The following FCSK variants were observed in gnomAD, a reference collection of about 807,000 sequenced individuals.
FCSK encodes the protein L-fucose kinase.
FCSK carries 123 observed loss-of-function variants against 122.5 expected under a neutral mutation model. The ratio of observed to expected loss-of-function variants is 1.00; its 90% CI spans 0.87 to 1.17. FCSK has a LOEUF of 1.17. FCSK is among the 50% of genes most tolerant of loss of function. FCSK has a pLI of 0.00. For missense variants in FCSK, 1,366 were observed against 1,450.4 expected, an observed-to-expected ratio of 0.94 and a Z score of 0.95; for synonymous variants, 620 against 625.5, an observed-to-expected ratio of 0.99 and a Z score of 0.13.
rs1434362774 is a variant in FCSK at position 70,467,366 on chromosome 16, C to A, written c.485-8C>A. ...CCCTGGGAGCCTCCTGACTGCCCCACCCCACAGGTATCAGCTGGGACAGCT... is the reference window on the plus strand; with the variant it reads ...CCCTGGGAGCCTCCTGACTGCCCCAACCCACAGGTATCAGCTGGGACAGCT... On this transcript the variant is annotated splice_polypyrimidine_tract_variant and splice_region_variant and intron_variant, in intron 6 of 23. Coordinates refer to ENST00000288078, the MANE Select transcript of FCSK (RefSeq NM_145059.3). 8 of 1,599,724 alleles carry A rather than the reference C, an allele frequency of 5.0e-6. No homozygotes were observed. Among genetic ancestry groups the A allele is most frequent in the African/African-American group, 1.3e-5 (1 of 74,502 alleles).
At chr16:70,458,503 G>A (rs1352450781) in intron 1 of FCSK, among the ~76,000 whole-genome samples, 1 of 151,762 alleles carries the variant, frequency 6.6e-6, no homozygotes, top group East Asian at 1.9e-4. Context: ...ATCTCACTCT[G>A]TCGCCCAGGC....
At position 70,475,352 on chromosome 16, in the gene FCSK, G is replaced by T. The variant is rs780967695; in HGVS notation, c.2380G>T (p.Ala794Ser). 9.9e-6 allele frequency: 16 copies of T among 1,609,774 alleles called. No individual in the cohort carries two copies. In the Admixed American group the frequency reaches 1.2e-4, roughly 12 times the overall value. ...TTCTCATGCCTGTCCTTCTGCAGGG[G>T]CCCTGCTGAAGGCGGCCTTCATCTG... is the stretch of plus-strand genomic sequence containing the variant. ...RDYCQPHAPG[A>S]LLKAAFICAG... Residue 794 changes from alanine (A) to serine (S), a missense_variant and splice_region_variant, in exon 19 of 24, where the codon GCC (alanine) becomes TCC (serine). Coordinates refer to ENST00000288078, the MANE Select transcript of FCSK (RefSeq NM_145059.3).
intron 13 of FCSK, 175 bp from the exon 14 acceptor site, chr16:70,472,366 T>C (rs2048652834): frequency 2.0e-6 from 1 of 509,804 alleles, no homozygotes; most frequent in South Asian, 2.9e-5. Flanking sequence ...CAGGAGTTCA[T>C]ACCTGCAGTG....
chr16:70,469,488 T>C (rs2048540764), intron 10 of FCSK, among the ~76,000 whole-genome samples, 165 bp downstream of exon 10: 1 of 152,128 alleles, frequency 6.6e-6, no homozygotes, highest in African/African-American at 2.4e-5. Context: ...TTCCCCTTCT[T>C]GTCTTCCTTT....
intron 8 of FCSK, 45 bp downstream of exon 8, chr16:70,468,011 G>A (rs753476427): frequency 2.8e-6 from 4 of 1,425,794 alleles, no homozygotes; most frequent in South Asian, 1.1e-5. Flanking sequence ...GGACCTTATG[G>A]GACAGGGAGG....
At position 70,468,923 on chromosome 16, in the gene FCSK, T is replaced by C. The variant is rs1292668295; in HGVS notation, c.738T>C (p.Asp246=). 1 of 1,613,954 alleles carries C rather than the reference T, an allele frequency of 6.2e-7. No individual in the cohort carries two copies. Among genetic ancestry groups the C allele is most frequent in the South Asian group, 1.1e-5 (1 of 91,084 alleles). ...LLATHVSPPL[D]ACTYLGLDSG... is the part of the protein sequence containing the mutation. ...CCACCCACGTGAGCCCGCCCCTGGA[T>C]GCCTGCACCTACCTAGGCTTGGACT... The change falls in exon 9 of 24, where the codon GAT becomes GAC. Residue 246 remains aspartate (D), a synonymous_variant. Coordinates refer to ENST00000288078, the MANE Select transcript of FCSK (RefSeq NM_145059.3).
chr16:70,460,049 CCT>C (rs958217822), intron 1 of FCSK, among the ~76,000 whole-genome samples: 40 of 151,456 alleles, frequency 2.6e-4, no homozygotes, highest in Admixed American at 1.9e-3. Flanking sequence ...CAGTCCTGCC[CCT>C]GTCTCCCAAA....
chr16:70,469,759 C>T (rs1336689371), intron 10 of FCSK, among the ~76,000 whole-genome samples: 3 of 152,034 alleles, frequency 2.0e-5, no homozygotes, highest in Non-Finnish European at 2.9e-5. Flanking sequence ...TCTTGAACTC[C>T]TGGCCTCAGG....
At chr16:70,479,532 G>T in intron 23 of FCSK, 47 bp from the exon 24 acceptor site, 8 of 1,568,078 alleles carry the variant, frequency 5.1e-6, no homozygotes, top group Non-Finnish European at 6.1e-6. Context: ...CCTCCAGAAG[G>T]CCTGAGATTT....
chr16:70,459,656 CT>C (rs1333103356), intron 1 of FCSK, among the ~76,000 whole-genome samples: 2,912 of 129,854 alleles, frequency 0.022, 11 homozygotes, highest in Non-Finnish European at 0.029. Flanking sequence ...ATTTCTCCGT[CT>C]TTTTTTTTTT....
intron 4 of FCSK, among the ~76,000 whole-genome samples, chr16:70,465,393 C>T (rs1402193946): frequency 1.3e-5 from 2 of 152,168 alleles, no homozygotes; most frequent in Non-Finnish European, 2.9e-5. Context: ...CGCAGTGGCT[C>T]ATGCCTGTAA....
chr16:70,474,702 C>T lies in FCSK; in HGVS notation c.2155+8C>T. 1.3e-6 allele frequency: 2 copies of T among 1,596,120 alleles called. No homozygotes were observed. Among genetic ancestry groups the T allele is most frequent in the Non-Finnish European group, 8.5e-7 (1 of 1,171,440 alleles). ...CCCGTGTGGATTTCTCTGGTGAGCC[C>T]CTTGTGGCAGGTGGGGTTGAGGGTA... On this transcript the variant is annotated splice_region_variant and intron_variant, in intron 17 of 23. Transcript: ENST00000288078.
At chr16:70,463,825 G>C (rs1219184213) in intron 3 of FCSK, 51 bp downstream of exon 3, 4 of 1,539,454 alleles carry the variant, frequency 2.6e-6, no homozygotes. Context: ...GCTGGAACCA[G>C]GTCATTTCTG....
At chr16:70,468,034 TC>T in intron 8 of FCSK, 68 bp downstream of exon 8, 1 of 1,131,892 alleles carries the variant, frequency 8.8e-7, no homozygotes, top group Non-Finnish European at 1.3e-6. Context: ...GGGTCTGACT[TC>T]CTTCGATTCC....
rs1329653055 is a variant in FCSK at position 70,471,023 on chromosome 16, G to T, written c.1121G>T (p.Gly374Val). 6.2e-7 allele frequency: 1 copy of T among 1,602,446 alleles called. No homozygotes were observed. Among genetic ancestry groups the T allele is most frequent in the Non-Finnish European group, 8.5e-7 (1 of 1,176,602 alleles). Residue 374 changes from glycine to valine, a missense_variant, in exon 12 of 24, where the codon GGC (glycine) becomes GTC (valine). Gly to Val is a moderately radical substitution (Grantham distance 109). Coordinates refer to ENST00000288078, the MANE Select transcript of FCSK (RefSeq NM_145059.3). ...TCTGTGGTCAGCTGCCTGCTGGAGG[G>T]CCCTGTCCAGCTGGGTCCTGGGAGC... ...GSSVVSCLLE[G>V]PVQLGPGSVL...
Position 70,468,884 on chromosome 16 carries a change from C to G in FCSK, c.699C>G (p.Ala233=). ...TTGTCTTCTTCTCTGTGGAGACTGCCGAGCGCCTCCTAGCCACCCACGTGA... is the reference window on the plus strand; with the variant it reads ...TTGTCTTCTTCTCTGTGGAGACTGCGGAGCGCCTCCTAGCCACCCACGTGA... ...SGVVFFSVET[A]ERLLATHVSP... is the part of the protein sequence containing the mutation. Residue 233 remains alanine (A), a synonymous_variant, in exon 9 of 24, where the codon GCC becomes GCG. Transcript: ENST00000288078. 6.2e-7 allele frequency: 1 copy of G among 1,614,002 alleles called. No homozygotes were observed. Among genetic ancestry groups the G allele is most frequent in the Non-Finnish European group, 8.5e-7 (1 of 1,179,984 alleles).
intron 13 of FCSK, 77 bp downstream of exon 13, chr16:70,471,429 C>G: frequency 1.4e-6 from 2 of 1,416,244 alleles, no homozygotes; most frequent in Non-Finnish European, 1.9e-6. Context: ...CCCCACCCCA[C>G]TGCGGGGTTC....
intron 19 of FCSK, 25 bp downstream of exon 19, chr16:70,475,518 C>T: frequency 6.2e-7 from 1 of 1,600,036 alleles, no homozygotes; most frequent in Non-Finnish European, 8.5e-7. Context: ...CCTCCTGCTA[C>T]CCACCGACTG....
At chr16:70,459,569 C>G (rs1444325236) in intron 1 of FCSK, among the ~76,000 whole-genome samples, 3 of 151,184 alleles carry the variant, frequency 2.0e-5, no homozygotes, top group South Asian at 4.2e-4. Flanking sequence ...AATAGATACT[C>G]TGGAAAAAAA....
Sources: gnomAD v4.1 joint callset for allele counts (sites outside exome capture counted in the v4.1 genomes callset) on GRCh38, gnomAD v4.1.1 for gene constraint, MANE v1.5 for transcripts, NCBI Gene and HGNC (gene_info 2026-07-23, HGNC 2026-07-21) for gene names.